Variants in STAU2 observed in about 807,000 individuals in gnomAD.
STAU2 encodes double-stranded RNA-binding protein Staufen homolog 2.
A neutral mutation model predicts 65.9 loss-of-function variants in STAU2; 20 were observed. That is an observed-to-expected ratio of 0.30 (90% CI 0.21 to 0.44). The LOEUF (loss-of-function observed/expected upper bound fraction) is 0.44, where lower values mean the gene tolerates loss of function less well. Among genes scored for constraint, STAU2 ranks in the 20% least tolerant of loss-of-function variants. The probability of loss-of-function intolerance (pLI) is 1.00; values close to 1 mark genes in which losing one functional copy is unlikely to be tolerated. For missense variants in STAU2, 558 were observed against 683.9 expected (o/e 0.82, Z 2.05); for synonymous variants, 232 against 233.9 (o/e 0.99, Z 0.07).
At chr8:73,621,183 G>A (rs977555357) in intron 6 of STAU2, among the ~76,000 whole-genome samples, 1 of 152,126 alleles carries the variant, frequency 6.6e-6, no homozygotes, top group South Asian at 2.1e-4. Context: ...TCGTGGGAGG[G>A]ACCTGGTTGG....
intron 4 of STAU2, among the ~76,000 whole-genome samples, chr8:73,706,629 C>T (rs2130631523): frequency 6.6e-6 from 1 of 152,228 alleles, no homozygotes; most frequent in East Asian, 1.9e-4. Flanking sequence ...TATCATGTTT[C>T]ACTCAACAAC....
intron 4 of STAU2, among the ~76,000 whole-genome samples, chr8:73,690,282 T>C (rs1198429436): frequency 7.1e-6 from 1 of 140,618 alleles, no homozygotes; most frequent in Non-Finnish European, 1.5e-5. Flanking sequence ...TGAGCCGAGA[T>C]TGCGCCACTG....
chr8:73,467,703 G>A (rs527265676), intron 13 of STAU2, among the ~76,000 whole-genome samples: 73 of 152,250 alleles, frequency 4.8e-4, no homozygotes, highest in South Asian at 6.2e-4. Context: ...ACAAGAAGCC[G>A]TGTCTGCTCT....
At chr8:73,657,970 C>T (rs1168935913) in intron 6 of STAU2, among the ~76,000 whole-genome samples, 1 of 151,756 alleles carries the variant, frequency 6.6e-6, no homozygotes, top group Non-Finnish European at 1.5e-5. Flanking sequence ...ACCAAGATTG[C>T]ACCACTGCAC....
chr8:73,637,444 AACATCTT>A (rs1054342146), intron 6 of STAU2, among the ~76,000 whole-genome samples: 5 of 145,116 alleles, frequency 3.4e-5, no homozygotes, highest in African/African-American at 1.2e-4. Context: ...CAAGTGGAAC[AACATCTT>A]TAAAGTCTTT....
intron 13 of STAU2, among the ~76,000 whole-genome samples, chr8:73,457,313 C>T (rs1258526646): frequency 6.6e-6 from 1 of 152,226 alleles, no homozygotes; most frequent in Admixed American, 6.5e-5. Context: ...AGGTTGGTGT[C>T]CAAGCCCAGG....
intron 13 of STAU2, among the ~76,000 whole-genome samples, chr8:73,540,599 T>C (rs111733939): frequency 0.02 from 3,113 of 152,342 alleles, 50 homozygotes; most frequent in Middle Eastern, 0.068. Context: ...AGTAATTAAT[T>C]AGTCAATTCA....
chr8:73,531,037 C>G (rs1805774462), intron 13 of STAU2, among the ~76,000 whole-genome samples: 1 of 152,154 alleles, frequency 6.6e-6, no homozygotes, highest in Admixed American at 6.6e-5. Context: ...CCCTAGTCAC[C>G]CTCTAACCCT....
In STAU2 at chr8:73,739,717, T is replaced by C. The variant is rs993548799; in HGVS notation, c.-84+39A>G. 42 of 1,463,492 alleles carry C rather than the reference T, an allele frequency of 2.9e-5. No individual in the cohort carries two copies. The South Asian group carries it at 3.4e-4, about 12-fold the overall frequency. The allele number at this position is 1,463,492 out of a possible 1,614,324, so 90.7% of individuals were successfully genotyped here. A position where few individuals can be genotyped will look rare whatever the true frequency, so the allele number is the denominator to read the frequency against. On this transcript the variant is annotated intron_variant, in intron 2 of 14. Coordinates refer to ENST00000524300, the MANE Select transcript of STAU2 (RefSeq NM_001164380.2). ...GTATAAAGAGCACACGGCCTGGATA[T>C]TGGTGAATTTGAGTTTTAGTCAAAG...
chr8:73,422,876 C>T (rs1347054557), intron 13 of STAU2, among the ~76,000 whole-genome samples, 174 bp from the exon 14 acceptor site: 1 of 152,182 alleles, frequency 6.6e-6, no homozygotes, highest in Non-Finnish European at 1.5e-5. Context: ...AGTGTATATA[C>T]ATAACCGGAA....
intron 13 of STAU2, among the ~76,000 whole-genome samples, chr8:73,487,705 T>C (rs1453865176): frequency 6.6e-6 from 1 of 152,088 alleles, no homozygotes; most frequent in East Asian, 1.9e-4. Context: ...GTGGCATTAT[T>C]ATCAATGTTG....
At chr8:73,692,232 T>C (rs1206077069) in intron 4 of STAU2, among the ~76,000 whole-genome samples, 1 of 151,344 alleles carries the variant, frequency 6.6e-6, no homozygotes, top group Non-Finnish European at 1.5e-5. Context: ...GGAGTCTTGC[T>C]CTGTCGCCAA....
At chr8:73,733,884 C>T (rs1259610099) in intron 3 of STAU2, among the ~76,000 whole-genome samples, 2 of 152,098 alleles carry the variant, frequency 1.3e-5, no homozygotes, top group Non-Finnish European at 2.9e-5. Flanking sequence ...AATCCACATA[C>T]ATCTTTGACT....
In STAU2 at chr8:73,456,096, A is replaced by G. The variant is rs200585377; in HGVS notation, c.1531-33394T>C. 3.3e-5 allele frequency among the ~76,000 whole-genome samples: 5 copies of G among 152,256 alleles called. No homozygotes were observed. In the East Asian group the frequency reaches 7.7e-4, roughly 23 times the overall value. On this transcript the variant is annotated intron_variant, in intron 13 of 14. Coordinates refer to ENST00000524300, the MANE Select transcript of STAU2 (RefSeq NM_001164380.2). ...CTCTCCAGTGGGCAGACTCAGGCTC[A>G]GCAGTGAGACAAATACCCTTAAAAT...
intron 13 of STAU2, among the ~76,000 whole-genome samples, chr8:73,540,977 T>G (rs1351749186): frequency 6.6e-6 from 1 of 152,138 alleles, no homozygotes; most frequent in Non-Finnish European, 1.5e-5. Flanking sequence ...GTGGCACAAC[T>G]CTAAATCTGA....
At chr8:73,469,980 G>A (rs1563611019) in intron 13 of STAU2, among the ~76,000 whole-genome samples, 1 of 152,162 alleles carries the variant, frequency 6.6e-6, no homozygotes, top group Non-Finnish European at 1.5e-5. Context: ...CATCTGAAGC[G>A]AGAAGCCCTG....
chr8:73,717,285 C>A (rs1821315074), intron 3 of STAU2, among the ~76,000 whole-genome samples: 1 of 152,068 alleles, frequency 6.6e-6, no homozygotes, highest in Non-Finnish European at 1.5e-5. Flanking sequence ...TTTTAATAGT[C>A]TAATTTATCA....
At chr8:73,708,823 T>G (rs1302286057) in intron 4 of STAU2, among the ~76,000 whole-genome samples, 1 of 152,208 alleles carries the variant, frequency 6.6e-6, no homozygotes, top group Non-Finnish European at 1.5e-5. Context: ...AAGATTTATA[T>G]GAAGTACTAT....
intron 13 of STAU2, among the ~76,000 whole-genome samples, chr8:73,460,442 G>A (rs558662073): frequency 8.5e-5 from 13 of 152,308 alleles, no homozygotes; most frequent in African/African-American, 3.1e-4. Context: ...TTTTGAACAA[G>A]TTTAAACACA....
Sources: allele counts gnomAD v4.1 joint callset (sites outside exome capture counted in the v4.1 genomes callset), GRCh38; gene constraint gnomAD v4.1.1; transcripts MANE v1.5; gene names NCBI Gene and HGNC (gene_info 2026-07-23, HGNC 2026-07-21).